UPB1: variants seen among roughly 807,000 people sequenced by gnomAD.
UPB1 encodes the protein beta-ureidopropionase.
A neutral mutation model predicts 49.1 loss-of-function variants in UPB1; 40 were observed. The observed-to-expected ratio is 0.81, with a 90% CI of 0.63 to 1.06. The LOEUF is 1.06. Ranked by LOEUF, UPB1 falls within the 50% of genes least tolerant of loss-of-function variation. UPB1 has a pLI of 0.00. For missense variants in UPB1, 499 were observed against 505.9 expected (o/e 0.99, Z 0.13); for synonymous variants, 207 against 198.2 (o/e 1.04, Z -0.38).
At chr22:24,521,957 G>A in intron 7 of UPB1, 29 bp from the exon 8 acceptor site, 1 of 1,613,720 alleles carries the variant, frequency 6.2e-7, no homozygotes, top group South Asian at 1.1e-5. Context: ...CCACCTATAG[G>A]TTCCTCTTAC....
At chr22:24,513,071 T>C (rs2044234746) in intron 4 of UPB1, among the ~76,000 whole-genome samples, 1 of 152,228 alleles carries the variant, frequency 6.6e-6, no homozygotes, top group Admixed American at 6.5e-5. Context: ...TAATTCTTGT[T>C]TAATTTTTTG....
chr22:24,503,971 G>A (rs2044039930), intron 3 of UPB1, among the ~76,000 whole-genome samples: 1 of 152,264 alleles, frequency 6.6e-6, no homozygotes, highest in Non-Finnish European at 1.5e-5. Flanking sequence ...CCTAGGGCCA[G>A]AGTGGTAGTC....
In UPB1 at chr22:24,515,055, T is replaced by C. The variant is rs750737538; in HGVS notation, c.622-146T>C. ...TCAGGGTTTTTTTGTGTGTGTTTTG[T>C]TTTTATCATATTGAAATTCTGGAAC... On this transcript the variant is annotated intron_variant, in intron 5 of 9. Coordinates refer to ENST00000326010, the MANE Select transcript of UPB1 (RefSeq NM_016327.3). The C allele has an allele frequency of 1.1e-4, 126 of 1,097,848 alleles. 1 individual carries two copies. Among genetic ancestry groups the C allele is most frequent in the South Asian group, 3.1e-4 (23 of 73,256 alleles). 68.0% of individuals were successfully genotyped at this position (1,097,848 alleles called of 1,614,324 possible). A position where few individuals can be genotyped will look rare whatever the true frequency, so the allele number is the denominator to read the frequency against.
intron 4 of UPB1, 139 bp from the exon 5 acceptor site, chr22:24,513,185 G>T (rs2044236498): frequency 7.7e-6 from 9 of 1,163,354 alleles, no homozygotes; most frequent in Non-Finnish European, 1.0e-5. Context: ...GGACATCAGG[G>T]TATTTAGTGT....
At chr22:24,508,213 T>A (rs1456326335) in intron 3 of UPB1, among the ~76,000 whole-genome samples, 1 of 152,152 alleles carries the variant, frequency 6.6e-6, no homozygotes, top group Non-Finnish European at 1.5e-5. Flanking sequence ...TCAAAGTAGC[T>A]GGAACAATAG....
intron 9 of UPB1, among the ~76,000 whole-genome samples, chr22:24,524,191 C>T (rs1306902571): frequency 6.6e-6 from 1 of 152,176 alleles, no homozygotes; most frequent in Non-Finnish European, 1.5e-5. Context: ...GGAAATGGGT[C>T]ATGCAGAGAA....
intron 3 of UPB1, among the ~76,000 whole-genome samples, chr22:24,504,904 A>AT (rs56198043): frequency 0.027 from 2,899 of 109,288 alleles, 79 homozygotes; most frequent in African/African-American, 0.058. Flanking sequence ...ATTTTCTTGA[A>AT]TTTTTTTTTT....
intron 2 of UPB1, among the ~76,000 whole-genome samples, 176 bp from the exon 3 acceptor site, chr22:24,501,950 T>C (rs1451752469): frequency 6.6e-6 from 1 of 152,112 alleles, no homozygotes; most frequent in East Asian, 1.9e-4. Flanking sequence ...CCTCTGCACC[T>C]CCAGCTTTTC....
At position 24,528,209 on chromosome 22, in the gene UPB1, G is replaced by C. The variant is rs114662807; in HGVS notation, c.*2415G>C. ...AGAAGCCAGCTTAGGTGACAAATTG[G>C]TACATTTGTGAAACAGGCATGAATA... On this transcript the variant is annotated 3_prime_UTR_variant, in exon 10 of 10. Transcript: ENST00000326010. The C allele has an allele frequency of 6.6e-6, 1 of 152,196 alleles. No homozygotes were observed. Among genetic ancestry groups the C allele is most frequent in the African/African-American group, 2.4e-5 (1 of 41,432 alleles). 9.4% of individuals were successfully genotyped at this position (152,196 alleles called of 1,614,324 possible).
Position 24,510,692 on chromosome 22 carries a change from G to A in UPB1, c.365-57G>A, listed in dbSNP as rs2044182561. 7.0e-6 allele frequency: 11 copies of A among 1,564,592 alleles called. No individual in the cohort carries two copies. The East Asian group carries it at 1.1e-4, about 16-fold the overall frequency. On this transcript the variant is annotated intron_variant, in intron 3 of 9. Transcript: ENST00000326010. ...TGACTTCCCGCTGCTGGGCTGAGGAGCCCCCCTCAGAGGCTGTGCATGTTG... is the reference window on the plus strand; with the variant it reads ...TGACTTCCCGCTGCTGGGCTGAGGAACCCCCCTCAGAGGCTGTGCATGTTG...
In UPB1 at chr22:24,526,198, A is replaced by G. The variant is rs963342952; in HGVS notation, c.*404A>G. ...GGGCTGATCCAGAGACCCTGAGCCT[A>G]CAGCAAGGCTGTGGTGGGTCGGATG... On this transcript the variant is annotated 3_prime_UTR_variant, in exon 10 of 10. Transcript: ENST00000326010. The G allele has an allele frequency of 7.5e-5, 24 of 317,900 alleles. No homozygotes were observed. The Admixed American group carries it at 7.7e-4, about 10-fold the overall frequency. The allele number at this position is 317,900 out of a possible 1,614,324, so 19.7% of individuals were successfully genotyped here.
intron 5 of UPB1, among the ~76,000 whole-genome samples, chr22:24,514,963 G>A (rs925990183): frequency 1.3e-5 from 2 of 152,192 alleles, no homozygotes; most frequent in Non-Finnish European, 2.9e-5. Flanking sequence ...TTTGTGACAT[G>A]TCAGAAAGGA....
intron 1 of UPB1, among the ~76,000 whole-genome samples, chr22:24,496,404 TACACACACAC>T (rs1012330972): frequency 4.7e-5 from 6 of 126,894 alleles, no homozygotes; most frequent in Admixed American, 8.1e-5. Flanking sequence ...CACACACACA[TACACACACAC>T]ACACACACAC....
chr22:24,496,831 C>T (rs2043898869), intron 1 of UPB1, among the ~76,000 whole-genome samples: 1 of 152,030 alleles, frequency 6.6e-6, no homozygotes, highest in Admixed American at 6.6e-5. Flanking sequence ...CATCAGATGG[C>T]TCAGAAATGT....
At chr22:24,500,388 G>A (rs1430089911) in intron 2 of UPB1, 110 bp downstream of exon 2, 15 of 1,469,138 alleles carry the variant, frequency 1.0e-5, no homozygotes, top group East Asian at 4.7e-5. Context: ...AGGCTTGGGC[G>A]CCTCAAGCAG....
intron 7 of UPB1, 109 bp downstream of exon 7, chr22:24,520,577 T>A: frequency 8.0e-7 from 1 of 1,254,928 alleles, no homozygotes; most frequent in Non-Finnish European, 1.1e-6. Flanking sequence ...CGGAAAGGGG[T>A]AAAACTGGCT....
At chr22:24,496,024 C>T (rs2043867387) in intron 1 of UPB1, among the ~76,000 whole-genome samples, 1 of 152,146 alleles carries the variant, frequency 6.6e-6, no homozygotes, top group Non-Finnish European at 1.5e-5. Flanking sequence ...CAAGCTTGTG[C>T]ATCACCAGGA....
chr22:24,511,618 A>ATT lies in UPB1; in HGVS notation c.459+787_459+788dup, dbSNP rs386395041. On this transcript the variant is annotated intron_variant, in intron 4 of 9. Transcript: ENST00000326010. Reference sequence around the variant, plus strand: ...GTGAATTATATATATATATATATATATTTTTTTTTTTTTGAGATGGAGTCT... The same window carrying ATT: ...GTGAATTATATATATATATATATATATTTTTTTTTTTTTTTGAGATGGAGTCT... 7.2e-3 allele frequency among the ~76,000 whole-genome samples: 883 copies of ATT among 122,528 alleles called. 14 individuals carry two copies. Among genetic ancestry groups the ATT allele is most frequent in the African/African-American group, 0.024 (777 of 32,144 alleles). The allele number at this position is 122,528 out of a possible 152,430, so 80.4% of individuals were successfully genotyped here. A position where few individuals can be genotyped will look rare whatever the true frequency, so the allele number is the denominator to read the frequency against.
chr22:24,514,210 G>A (rs1165868545), intron 5 of UPB1, among the ~76,000 whole-genome samples: 1 of 152,088 alleles, frequency 6.6e-6, no homozygotes, highest in East Asian at 1.9e-4. Flanking sequence ...TGAATGTGGG[G>A]GTCCTGGCCG....
Sources: gnomAD v4.1 joint callset for allele counts (sites outside exome capture counted in the v4.1 genomes callset) on GRCh38, gnomAD v4.1.1 for gene constraint, MANE v1.5 for transcripts, NCBI Gene and HGNC (gene_info 2026-07-23, HGNC 2026-07-21) for gene names.